The following MAP2K5 variants were observed in gnomAD, a reference collection of about 807,000 sequenced individuals.
MAP2K5 encodes the protein dual specificity mitogen-activated protein kinase kinase 5.
A neutral mutation model predicts 83.1 loss-of-function variants in MAP2K5; 49 were observed. The ratio of observed to expected loss-of-function variants is 0.59; its 90% CI spans 0.47 to 0.75. MAP2K5 has a LOEUF of 0.75. Ranked by LOEUF, MAP2K5 falls within the 30% of genes least tolerant of loss-of-function variation. The pLI, the probability that MAP2K5 is intolerant of heterozygous loss-of-function variation, is 0.00. For missense variants in MAP2K5, 457 were observed against 557.5 expected (o/e 0.82, Z 1.82); for synonymous variants, 202 against 191.8 (o/e 1.05, Z -0.44).
intron 17 of MAP2K5, among the ~76,000 whole-genome samples, chr15:67,739,371 A>G (rs1465630788): frequency 1.4e-5 from 2 of 139,764 alleles, no homozygotes; most frequent in African/African-American, 5.3e-5. Context: ...TTTGAATTTC[A>G]TTTACAGTCA....
In MAP2K5 at chr15:67,600,779, A is replaced by G. The variant is rs772027052; in HGVS notation, c.545+30A>G. On this transcript the variant is annotated intron_variant, in intron 8 of 21. Coordinates refer to ENST00000178640, the MANE Select transcript of MAP2K5 (RefSeq NM_145160.3). ...GTAGTCAATTTTGTTTAAACTTTCTATCCGCTTTTCCAAATACTGAGTATC... is the reference window on the plus strand; with the variant it reads ...GTAGTCAATTTTGTTTAAACTTTCTGTCCGCTTTTCCAAATACTGAGTATC... 4.5e-6 allele frequency: 7 copies of G among 1,555,600 alleles called. No individual in the cohort carries two copies. The Admixed American group carries it at 5.8e-5, about 13-fold the overall frequency.
At position 67,676,154 on chromosome 15, in the gene MAP2K5, C is replaced by G. The variant is rs1006494058; in HGVS notation, c.847+11509C>G. Among the ~76,000 whole-genome samples the G allele has an allele frequency of 4.6e-5, 7 of 152,140 alleles. No homozygotes were observed. Among genetic ancestry groups the G allele is most frequent in the African/African-American group, 1.7e-4 (7 of 41,412 alleles). ...GGATGAGTGTTTGATTCACCAAGCCCCGCAGTTAGCTCTGATCATTGCTTT... is the reference window on the plus strand; with the variant it reads ...GGATGAGTGTTTGATTCACCAAGCCGCGCAGTTAGCTCTGATCATTGCTTT... On this transcript the variant is annotated intron_variant, in intron 13 of 21. Coordinates refer to ENST00000178640, the MANE Select transcript of MAP2K5 (RefSeq NM_145160.3). The surrounding 1 kb of genome is among the most constrained non-coding windows in gnomAD (Gnocchi z 4.8).
chr15:67,788,250 C>CT (rs998766985), intron 21 of MAP2K5, among the ~76,000 whole-genome samples: 15 of 152,208 alleles, frequency 9.9e-5, no homozygotes, highest in South Asian at 4.2e-4. Flanking sequence ...GCCTTCTCCC[C>CT]TTTTTTTTAT....
rs1225756142 is a variant in MAP2K5 at position 67,652,590 on chromosome 15, GC to G, written c.737-5959del. ...CTTTGACCCAAACACCTCTCACGAG[GC>G]CCCATCTTCAACATTGGGAGTGAGA... On this transcript the variant is annotated intron_variant, in intron 11 of 21. Transcript: ENST00000178640. This position sits in a 1 kb window ranked among gnomAD's most constrained non-coding sequence, Gnocchi z 4.2. 1.3e-5 allele frequency among the ~76,000 whole-genome samples: 2 copies of G among 152,128 alleles called. No individual in the cohort carries two copies. Among genetic ancestry groups the G allele is most frequent in the Non-Finnish European group, 2.9e-5 (2 of 68,030 alleles).
intron 16 of MAP2K5, among the ~76,000 whole-genome samples, chr15:67,725,639 G>A (rs2089073616): frequency 6.6e-6 from 1 of 152,188 alleles, no homozygotes; most frequent in Admixed American, 6.5e-5. Context: ...CTTTGTAGTA[G>A]TTATTAAGCT....
At chr15:67,658,724 T>C (rs2087154249) in intron 12 of MAP2K5, 110 bp downstream of exon 12, 2 of 909,160 alleles carry the variant, frequency 2.2e-6, no homozygotes, top group Non-Finnish European at 3.5e-6. Flanking sequence ...CCCAGTTGGC[T>C]CCTAAGACCT....
chr15:67,714,886 A>G (rs1318522499), intron 16 of MAP2K5, among the ~76,000 whole-genome samples: 1 of 152,184 alleles, frequency 6.6e-6, no homozygotes. Flanking sequence ...AATATCTGAA[A>G]TATTTCTGGT....
intron 16 of MAP2K5, among the ~76,000 whole-genome samples, chr15:67,706,839 G>A (rs1025247082): frequency 2.6e-5 from 4 of 152,184 alleles, no homozygotes; most frequent in Admixed American, 2.0e-4. Context: ...TGATAGGGAA[G>A]AGAAGTAGGA....
At position 67,676,491 on chromosome 15, in the gene MAP2K5, C is replaced by T. The variant is rs1052590624; in HGVS notation, c.847+11846C>T. Among the ~76,000 whole-genome samples the T allele has an allele frequency of 2.0e-5, 3 of 152,080 alleles. No individual in the cohort carries two copies. Among genetic ancestry groups the T allele is most frequent in the Non-Finnish European group, 4.4e-5 (3 of 68,022 alleles). ...CAGCTTTAGCAGTTGGAAGAGCTCT[C>T]CATGTCTCTTCCTTTCTCTAAAGGC... On this transcript the variant is annotated intron_variant, in intron 13 of 21. Coordinates refer to ENST00000178640, the MANE Select transcript of MAP2K5 (RefSeq NM_145160.3). The surrounding 1 kb of genome is among the most constrained non-coding windows in gnomAD (Gnocchi z 4.8).
Position 67,772,748 on chromosome 15 carries a change from T to A in MAP2K5, c.1238T>A (p.Leu413Ter). 1 of 1,602,466 alleles carries A rather than the reference T, an allele frequency of 6.2e-7. No individual in the cohort carries two copies. The highest frequency in any genetic ancestry group is 8.5e-7 in the Non-Finnish European group (1 of 1,174,104). Reference protein sequence around the residue: ...QPKERPAPEELMGHPFIVQFN... With the variant: ...QPKERPAPEE ...AAAGAAAGGCCAGCACCTGAAGAATTGATGGTAAGTGAATGTTTTTAGTTA... is the reference window on the plus strand; with the variant it reads ...AAAGAAAGGCCAGCACCTGAAGAATAGATGGTAAGTGAATGTTTTTAGTTA... Residue 413 changes from leucine to a stop codon, truncating the protein, a stop_gained, in exon 21 of 22, where the codon TTG becomes TAG. Transcript: ENST00000178640. LOFTEE classifies it high-confidence loss of function.
chr15:67,592,930 A>G lies in MAP2K5; in HGVS notation c.436A>G (p.Lys146Glu), dbSNP rs755678613. 80 of 1,608,462 alleles carry G rather than the reference A, an allele frequency of 5.0e-5. 1 individual carries two copies. The South Asian group carries it at 8.2e-4, about 17-fold the overall frequency. Residue 146 changes from lysine (K) to glutamate (E), a missense_variant, in exon 7 of 22, where the codon AAG becomes GAG. Transcript: ENST00000178640. Reference sequence around the variant, plus strand: ...AAAATTATCTTTCCTTTTCAGCTTAAAGAAGTCTTCTGCTGAACTGAAAAA... The same window carrying G: ...AAAATTATCTTTCCTTTTCAGCTTAGAGAAGTCTTCTGCTGAACTGAAAAA... ...VSDSLPSNSL[K>E]KSSAELKKIL...
chr15:67,647,366 G>C (rs1351722536), intron 11 of MAP2K5, among the ~76,000 whole-genome samples: 1 of 152,168 alleles, frequency 6.6e-6, no homozygotes, highest in East Asian at 1.9e-4. Flanking sequence ...ACCAGAAAAA[G>C]TGGATTCATT....
intron 19 of MAP2K5, among the ~76,000 whole-genome samples, chr15:67,754,547 A>G (rs1175924113): frequency 6.6e-6 from 1 of 152,198 alleles, no homozygotes. Context: ...CTCATGAATT[A>G]GATTTGATTC....
intron 17 of MAP2K5, among the ~76,000 whole-genome samples, chr15:67,743,804 A>G (rs1252500925): frequency 6.6e-6 from 1 of 152,226 alleles, no homozygotes; most frequent in East Asian, 1.9e-4. Context: ...TGGCTCCTGA[A>G]TGGGAAGCTC....
chr15:67,678,962 CAA>C (rs35828534), intron 13 of MAP2K5, among the ~76,000 whole-genome samples: 4 of 115,942 alleles, frequency 3.4e-5, no homozygotes, highest in South Asian at 3.1e-4. Flanking sequence ...CACTGCATCT[CAA>C]AAAAAAAAAA....
At position 67,580,291 on chromosome 15, in the gene MAP2K5, C is replaced by T. The variant is rs151330052; in HGVS notation, c.253-463C>T. Among the ~76,000 whole-genome samples, 43 of 152,272 alleles carry T rather than the reference C, an allele frequency of 2.8e-4. No individual in the cohort carries two copies. The East Asian group carries it at 8.3e-3, about 29-fold the overall frequency. ...GGTCATATTTTGTTTGCTATTTCCACAGTCTCTGTGATTTCGATTTCCATT... is the reference window on the plus strand; with the variant it reads ...GGTCATATTTTGTTTGCTATTTCCATAGTCTCTGTGATTTCGATTTCCATT... On this transcript the variant is annotated intron_variant, in intron 3 of 21. Coordinates refer to ENST00000178640, the MANE Select transcript of MAP2K5 (RefSeq NM_145160.3).
intron 2 of MAP2K5, among the ~76,000 whole-genome samples, chr15:67,550,555 C>G (rs933148430): frequency 2.8e-4 from 42 of 152,224 alleles, no homozygotes; most frequent in African/African-American, 9.9e-4. Flanking sequence ...TTAGTCCTTC[C>G]TTTTTCCCCA....
intron 8 of MAP2K5, among the ~76,000 whole-genome samples, chr15:67,608,542 G>A (rs1053319826): frequency 6.6e-5 from 10 of 152,222 alleles, no homozygotes; most frequent in African/African-American, 2.2e-4. Flanking sequence ...GATCTGGGGG[G>A]CTGAGGAAGA....
rs965071492 is a variant in MAP2K5 at position 67,770,939 on chromosome 15, A to T, written c.1196+1276A>T. On this transcript the variant is annotated intron_variant, in intron 20 of 21. Coordinates refer to ENST00000178640, the MANE Select transcript of MAP2K5 (RefSeq NM_145160.3). The surrounding 1 kb of genome is among the most constrained non-coding windows in gnomAD (Gnocchi z 5.0). ...TTAAAATACTTATATAATATTGTGT[A>T]GCTTTTAAAAACTATTTTTACTCTG... Among the ~76,000 whole-genome samples the T allele has an allele frequency of 1.3e-5, 2 of 152,202 alleles. No individual in the cohort carries two copies. The highest frequency in any genetic ancestry group is 2.9e-5 in the Non-Finnish European group (2 of 68,036).
Sources: allele counts gnomAD v4.1 joint callset (sites outside exome capture counted in the v4.1 genomes callset), GRCh38; gene constraint gnomAD v4.1.1; non-coding constraint Gnocchi (gnomAD v3.1); transcripts MANE v1.5; gene names NCBI Gene and HGNC (gene_info 2026-07-23, HGNC 2026-07-21).